Variants in SOS1 observed in about 807,000 individuals in gnomAD.
The protein encoded by SOS1 is SOS Ras/Rac guanine nucleotide exchange factor 1.
SOS1 carries 25 observed loss-of-function variants against 157.6 expected under a neutral mutation model. The observed-to-expected ratio is 0.16, with a 90% CI of 0.12 to 0.22. The LOEUF is 0.22. Among genes scored for constraint, SOS1 ranks in the 10% least tolerant of loss-of-function variants. The probability of loss-of-function intolerance (pLI) is 1.00; values close to 1 mark genes in which losing one functional copy is unlikely to be tolerated. For missense variants in SOS1, 1,237 were observed against 1,599.1 expected (o/e 0.77, Z 3.86); for synonymous variants, 528 against 534.0 (o/e 0.99, Z 0.16).
chr2:38,999,620 G>A (rs998656447), intron 17 of SOS1, among the ~76,000 whole-genome samples: 1 of 152,168 alleles, frequency 6.6e-6, no homozygotes, highest in Non-Finnish European at 1.5e-5. Flanking sequence ...ACATCTGCCT[G>A]TCATTTGGCT....
At chr2:39,017,465 C>CT (rs1669665941) in intron 10 of SOS1, among the ~76,000 whole-genome samples, 1 of 152,012 alleles carries the variant, frequency 6.6e-6, no homozygotes, top group Non-Finnish European at 1.5e-5. Context: ...GAATTAACAG[C>CT]TGTACCTTCC....
chr2:39,069,083 T>C (rs967143606), intron 1 of SOS1, among the ~76,000 whole-genome samples: 7 of 149,600 alleles, frequency 4.7e-5, no homozygotes, highest in Non-Finnish European at 8.9e-5. Flanking sequence ...TGGTGGCTAA[T>C]GCCTACAATC....
chr2:39,103,116 G>C (rs1673036478), intron 1 of SOS1, among the ~76,000 whole-genome samples: 1 of 152,080 alleles, frequency 6.6e-6, no homozygotes, highest in East Asian at 1.9e-4. Flanking sequence ...AAGGAGGTGA[G>C]TTTTACCCTG....
chr2:39,095,861 C>T (rs1672750545), intron 1 of SOS1, among the ~76,000 whole-genome samples: 1 of 152,124 alleles, frequency 6.6e-6, no homozygotes, highest in Non-Finnish European at 1.5e-5. Context: ...TATGTGCTGA[C>T]CAAAGGCAAT....
intron 6 of SOS1, among the ~76,000 whole-genome samples, chr2:39,038,696 T>C (rs1176757839): frequency 7.8e-5 from 6 of 76,994 alleles, no homozygotes; most frequent in African/African-American, 2.6e-4. Flanking sequence ...ATCACACCAC[T>C]GCACTCCAGC....
chr2:39,070,540 G>T (rs187008527), intron 1 of SOS1, among the ~76,000 whole-genome samples: 4 of 152,106 alleles, frequency 2.6e-5, no homozygotes, highest in Non-Finnish European at 4.4e-5. Flanking sequence ...CACCTGCATG[G>T]ATAACCCCAA....
chr2:39,022,067 TAA>T (rs1669815774), intron 10 of SOS1, among the ~76,000 whole-genome samples: 1 of 151,810 alleles, frequency 6.6e-6, no homozygotes, highest in Non-Finnish European at 1.5e-5. Flanking sequence ...AAAATTATAA[TAA>T]AACTGGAATC....
At chr2:38,987,833 A>G (rs1434492081) in intron 21 of SOS1, 5 of 448,656 alleles carry the variant, frequency 1.1e-5, no homozygotes, top group Non-Finnish European at 2.0e-5. Flanking sequence ...TTTTGCCTGA[A>G]CAAAATAACA....
intron 1 of SOS1, among the ~76,000 whole-genome samples, chr2:39,077,571 A>G (rs1481903497): frequency 2.0e-5 from 3 of 152,130 alleles, no homozygotes; most frequent in African/African-American, 4.8e-5. Context: ...GCAAAAAACT[A>G]TTTTTCCTGC....
At chr2:39,026,399 C>G (rs1669965799) in intron 8 of SOS1, among the ~76,000 whole-genome samples, 1 of 150,504 alleles carries the variant, frequency 6.6e-6, no homozygotes. Context: ...CCTAACAATT[C>G]TCAACATAAA....
chr2:39,123,164 C>T (rs559592770), upstream of SOS1, among the ~76,000 whole-genome samples: 2 of 152,140 alleles, frequency 1.3e-5, no homozygotes, highest in Non-Finnish European at 2.9e-5. Context: ...GTTCCCTTGG[C>T]TGGTTATAAA....
Position 38,986,096 on chromosome 2 carries a change from G to T in SOS1, c.3730C>A (p.His1244Asn). The T allele has an allele frequency of 6.2e-7, 1 of 1,613,844 alleles. No homozygotes were observed. The highest frequency in any genetic ancestry group is 1.1e-5 in the South Asian group (1 of 91,064). Residue 1244 changes from histidine (H) to asparagine (N), a missense_variant, in exon 23 of 23, where the codon CAT (histidine) becomes AAT (asparagine). Physicochemically the swap from His to Asn is moderately conservative, Grantham distance 68. Transcript: ENST00000402219. ...CTGTTTGGGAAGAAGGCATTGCCAT[G>T]GTCACTTTTTTTGCCCAAAGGGGGA... is the stretch of plus-strand genomic sequence containing the variant. ...QPPPLGKKSD[H>N]GNAFFPNSPS...
chr2:39,031,438 A>G (rs1426907197), intron 8 of SOS1, among the ~76,000 whole-genome samples: 1 of 152,178 alleles, frequency 6.6e-6, no homozygotes, highest in East Asian at 1.9e-4. Flanking sequence ...AACCTTTAAA[A>G]TATTGGTCAG....
At chr2:39,053,907 T>A (rs1363874234) in intron 5 of SOS1, among the ~76,000 whole-genome samples, 1 of 152,050 alleles carries the variant, frequency 6.6e-6, no homozygotes, top group East Asian at 1.9e-4. Flanking sequence ...TTGACTAGAC[T>A]AAACTTAAGG....
chr2:39,092,757 AAAAG>A (rs1672638727), intron 1 of SOS1, among the ~76,000 whole-genome samples: 1 of 152,242 alleles, frequency 6.6e-6, no homozygotes, highest in Non-Finnish European at 1.5e-5. Context: ...TTACAAAACT[AAAAG>A]AAATCTGAAA....
At chr2:39,114,515 C>G (rs544412473) in intron 1 of SOS1, among the ~76,000 whole-genome samples, 2 of 152,184 alleles carry the variant, frequency 1.3e-5, no homozygotes, top group African/African-American at 2.4e-5. Flanking sequence ...GTTGGTTAGG[C>G]TGGTATCGAA....
intron 1 of SOS1, among the ~76,000 whole-genome samples, chr2:39,119,478 G>A (rs1177621983): frequency 6.6e-6 from 1 of 152,178 alleles, no homozygotes; most frequent in African/African-American, 2.4e-5. Context: ...CATTCTTTGA[G>A]CAGCAAGAAA....
intron 8 of SOS1, among the ~76,000 whole-genome samples, chr2:39,027,535 C>A (rs980976745): frequency 6.6e-6 from 1 of 152,138 alleles, no homozygotes; most frequent in African/African-American, 2.4e-5. Context: ...AAACTTGGCA[C>A]TGGTGCAATA....
At chr2:39,003,681 T>G (rs951987521) in intron 17 of SOS1, among the ~76,000 whole-genome samples, 3 of 152,218 alleles carry the variant, frequency 2.0e-5, no homozygotes, top group Non-Finnish European at 2.9e-5. Flanking sequence ...ATTGACAGAT[T>G]GTTCCAGTTA....
Sources: gnomAD v4.1 joint callset for allele counts (sites outside exome capture counted in the v4.1 genomes callset) on GRCh38, gnomAD v4.1.1 for gene constraint, MANE v1.5 for transcripts, NCBI Gene and HGNC (gene_info 2026-07-23, HGNC 2026-07-21) for gene names.